Variants in HAL observed in about 807,000 individuals in gnomAD.
HAL encodes the protein histidase.
Under a neutral mutation model 81.1 loss-of-function variants are expected in HAL, and 85 were observed. That is an observed-to-expected ratio of 1.05 (90% CI 0.88 to 1.25). The LOEUF (loss-of-function observed/expected upper bound fraction) is 1.25, where lower values mean the gene tolerates loss of function less well. HAL is among the 50% of genes most tolerant of loss of function. HAL has a pLI of 0.00. For synonymous variants in HAL, 301 were observed against 309.2 expected (o/e 0.97, Z 0.28); for missense variants, 798 against 836.6 (o/e 0.95, Z 0.57).
chr12:95,976,644 T>C lies in HAL; in HGVS notation c.1717A>G (p.Thr573Ala). ...GIEFLRPLKT[T>A]TPLEKVYDLV... ...TCATAGACCTTCTCCAGCGGAGTGG[T>C]TGTTTTCAGGGGACGTAGAAACTCT... The change falls in exon 19 of 21, where the codon ACC becomes GCC. Residue 573 changes from threonine to alanine, a missense_variant. By Grantham distance (58) the Thr-to-Ala change is moderately conservative. Transcript: ENST00000261208. The C allele has an allele frequency of 6.2e-7, 1 of 1,613,376 alleles. No homozygotes were observed. The highest frequency in any genetic ancestry group is 8.5e-7 in the Non-Finnish European group (1 of 1,179,292).
Position 95,974,468 on chromosome 12 carries a change from T to C in HAL, c.1834-96A>G, listed in dbSNP as rs1339983378. ...TCATCCGAAGTCAAAACATACTCTATACATGACCAGACACAGCTGCTGTTT... is the reference window on the plus strand; with the variant it reads ...TCATCCGAAGTCAAAACATACTCTACACATGACCAGACACAGCTGCTGTTT... On this transcript the variant is annotated intron_variant, in intron 20 of 20. Transcript: ENST00000261208. 3 of 1,073,312 alleles carry C rather than the reference T, an allele frequency of 2.8e-6. No homozygotes were observed. The African/African-American group carries it at 4.6e-5, about 17-fold the overall frequency. 66.5% of individuals were successfully genotyped at this position (1,073,312 alleles called of 1,614,324 possible).
At chr12:95,982,720 CT>C (rs2080808741) in intron 15 of HAL, among the ~76,000 whole-genome samples, 1 of 152,242 alleles carries the variant, frequency 6.6e-6, no homozygotes, top group Admixed American at 6.5e-5. Context: ...CATGGGAAAC[CT>C]TATGGAGCTA....
chr12:95,986,263 G>A, intron 12 of HAL, 103 bp from the exon 13 acceptor site: 1 of 746,986 alleles, frequency 1.3e-6, no homozygotes, highest in Non-Finnish European at 2.3e-6. Flanking sequence ...AAACTCCTGG[G>A]CTCTAGCGAT....
At chr12:95,988,017 A>ATGCC (rs1462194527) in intron 11 of HAL, among the ~76,000 whole-genome samples, 176 bp downstream of exon 11, 1 of 152,206 alleles carries the variant, frequency 6.6e-6, no homozygotes, top group African/African-American at 2.4e-5. Context: ...ATCCGCCACC[A>ATGCC]TGCCTGGCAT....
intron 14 of HAL, among the ~76,000 whole-genome samples, chr12:95,985,233 C>A (rs1165327510): frequency 6.6e-6 from 1 of 152,152 alleles, no homozygotes; most frequent in East Asian, 1.9e-4. Context: ...AGAAACAGTA[C>A]AACTCTACTA....
In HAL at chr12:95,976,618, G is replaced by A. The variant is rs749180159; in HGVS notation, c.1743C>T (p.Asp581=). The A allele has an allele frequency of 6.2e-7, 1 of 1,609,776 alleles. No homozygotes were observed. Among genetic ancestry groups the A allele is most frequent in the Non-Finnish European group, 8.5e-7 (1 of 1,176,006 alleles). Residue 581 remains aspartate, a synonymous_variant, in exon 19 of 21, where the codon GAC becomes GAT. Coordinates refer to ENST00000261208, the MANE Select transcript of HAL (RefSeq NM_002108.4). The stretch of plus-strand genomic sequence containing the variant: ...CTTACCTTACAACAGAGCGCACCAG[G>A]TCATAGACCTTCTCCAGCGGAGTGG... ...KTTTPLEKVY[D]LVRSVVRPWI...
intron 20 of HAL, 90 bp from the exon 21 acceptor site, chr12:95,974,462 A>G (rs1215946917): frequency 1.8e-6 from 2 of 1,133,394 alleles, no homozygotes; most frequent in Admixed American, 1.7e-5. Flanking sequence ...GTCAAAACAT[A>G]CTCTATACAT....
At chr12:95,990,286 G>T in intron 10 of HAL, 107 bp downstream of exon 10, 1 of 889,030 alleles carries the variant, frequency 1.1e-6, no homozygotes, top group Non-Finnish European at 1.9e-6. Context: ...GATAGTAGGA[G>T]CTCCCTCACT....
Position 95,994,794 on chromosome 12 carries a change from T to C in HAL, c.336+4A>G, listed in dbSNP as rs777045271. 5 of 1,613,860 alleles carry C rather than the reference T, an allele frequency of 3.1e-6. No homozygotes were observed. In the Admixed American group the frequency reaches 8.3e-5, roughly 27 times the overall value. ...GAAGAAAAAGAAAGTGGTTTGAAGC[T>C]TACCTTTTCAGGCTCCCGGTACTTG... On this transcript the variant is annotated splice_donor_region_variant and intron_variant, in intron 4 of 20. Transcript: ENST00000261208.
Position 95,977,962 on chromosome 12 carries a change from T to C in HAL, c.1636A>G (p.Ile546Val). 1.2e-6 allele frequency: 2 copies of C among 1,614,208 alleles called. 1 individual carries two copies. Among genetic ancestry groups the C allele is most frequent in the Non-Finnish European group, 1.7e-6 (2 of 1,180,030 alleles). Residue 546 changes from isoleucine (I) to valine (V), a missense_variant, in exon 18 of 21, where the codon ATC becomes GTC. Coordinates refer to ENST00000261208, the MANE Select transcript of HAL (RefSeq NM_002108.4). ...GCATTACCTTGCTCCACATGCTCGATGACCCTGAGGGCTTTCCTTGCTGCC... is the reference window on the plus strand; with the variant it reads ...GCATTACCTTGCTCCACATGCTCGACGACCCTGAGGGCTTTCCTTGCTGCC... ...GWAARKALRV[I>V]EHVEQVLAIE...
intron 15 of HAL, 141 bp from the exon 16 acceptor site, chr12:95,981,004 G>A: frequency 1.4e-6 from 1 of 722,136 alleles, no homozygotes; most frequent in South Asian, 1.4e-5. Flanking sequence ...CTTCCTGCAA[G>A]AGATATAAAG....
In HAL at chr12:95,990,330, G is replaced by A. The variant is rs546960291; in HGVS notation, c.855+63C>T. 3.0e-6 allele frequency: 4 copies of A among 1,344,538 alleles called. No homozygotes were observed. The East Asian group carries it at 9.2e-5, about 31-fold the overall frequency. 83.3% of individuals were successfully genotyped at this position (1,344,538 alleles called of 1,614,324 possible). On this transcript the variant is annotated intron_variant, in intron 10 of 20. Transcript: ENST00000261208. Reference sequence around the variant, plus strand: ...GTAAGGACTAGGTGATACGAAGCATGCAAGCACAGTTGGTGTCCAACCTGG... The same window carrying A: ...GTAAGGACTAGGTGATACGAAGCATACAAGCACAGTTGGTGTCCAACCTGG...
intron 8 of HAL, 63 bp from the exon 9 acceptor site, chr12:95,992,868 G>GCCCT (rs57335554): frequency 0.11 from 138,853 of 1,319,368 alleles, 9,905 homozygotes; most frequent in East Asian, 0.31. Flanking sequence ...CCTGACAATT[G>GCCCT]CCCTCCCTCC....
intron 12 of HAL, 116 bp downstream of exon 12, chr12:95,986,951 G>A: frequency 2.3e-6 from 2 of 872,750 alleles, no homozygotes; most frequent in Non-Finnish European, 3.9e-6. Context: ...CAGGCACTTG[G>A]GTTTTCTCCT....
intron 9 of HAL, among the ~76,000 whole-genome samples, chr12:95,991,551 G>A (rs1362073308): frequency 6.6e-6 from 1 of 152,150 alleles, no homozygotes; most frequent in African/African-American, 2.4e-5. Flanking sequence ...CATTTTCTAA[G>A]AAATTCCCAA....
intron 3 of HAL, 33 bp from the exon 4 acceptor site, chr12:95,994,858 G>A: frequency 5.6e-6 from 9 of 1,613,380 alleles, no homozygotes; most frequent in Non-Finnish European, 6.8e-6. Flanking sequence ...ATAGGGTGGT[G>A]TGGAAAAACC....
At chr12:95,990,289 C>T in intron 10 of HAL, 104 bp downstream of exon 10, 2 of 915,092 alleles carry the variant, frequency 2.2e-6, no homozygotes, top group Non-Finnish European at 3.7e-6. Context: ...AGTAGGAGCT[C>T]CCTCACTGGG....
intron 2 of HAL, chr12:95,995,339 T>A: frequency 1.8e-6 from 1 of 556,992 alleles, no homozygotes; most frequent in South Asian, 2.0e-5. Flanking sequence ...CAAAATAACC[T>A]CAAAATGATT....
intron 15 of HAL, among the ~76,000 whole-genome samples, chr12:95,982,221 G>C (rs769115607): frequency 2.6e-5 from 4 of 152,148 alleles, no homozygotes; most frequent in Non-Finnish European, 5.9e-5. Context: ...ACAGAAAATT[G>C]AGACACATAT....
Sources: allele counts gnomAD v4.1 joint callset (sites outside exome capture counted in the v4.1 genomes callset), GRCh38; gene constraint gnomAD v4.1.1; transcripts MANE v1.5; gene names NCBI Gene and HGNC (gene_info 2026-07-23, HGNC 2026-07-21).